Variants in TPST1 observed in about 807,000 individuals in gnomAD.
TPST1 encodes protein-tyrosine sulfotransferase 1.
A neutral mutation model predicts 34.8 loss-of-function variants in TPST1; 20 were observed. That is an observed-to-expected ratio of 0.57 (90% CI 0.40 to 0.84). The LOEUF is 0.84. Among genes scored for constraint, TPST1 ranks in the 40% least tolerant of loss-of-function variants. TPST1 has a pLI of 0.00. For synonymous variants in TPST1, 152 were observed against 159.4 expected (o/e 0.95, Z 0.35); for missense variants, 353 against 455.5 (o/e 0.78, Z 2.05).
chr7:66,320,785 A>G (rs1791740428), intron 3 of TPST1, among the ~76,000 whole-genome samples: 2 of 150,412 alleles, frequency 1.3e-5, no homozygotes, highest in African/African-American at 4.9e-5. Context: ...TTTAGTAGAG[A>G]TGGGGCTTCA....
intron 3 of TPST1, among the ~76,000 whole-genome samples, chr7:66,302,660 A>G (rs1374822977): frequency 1.3e-5 from 2 of 152,216 alleles, no homozygotes; most frequent in Admixed American, 6.5e-5. Context: ...GATTCAAGGT[A>G]GCTAGAAACA....
At chr7:66,248,585 C>T (rs904981495) in intron 2 of TPST1, among the ~76,000 whole-genome samples, 1 of 144,396 alleles carries the variant, frequency 6.9e-6, no homozygotes, top group African/African-American at 2.6e-5. Context: ...CTCACTGCAA[C>T]CTCTGCCTCA....
At chr7:66,281,213 T>G (rs1261328218) in intron 2 of TPST1, among the ~76,000 whole-genome samples, 1 of 152,158 alleles carries the variant, frequency 6.6e-6, no homozygotes, top group African/African-American at 2.4e-5. Context: ...TTGATGTGCT[T>G]CTAGTCTCTG....
chr7:66,357,899 C>T (rs915343523), intron 5 of TPST1, among the ~76,000 whole-genome samples: 2 of 152,140 alleles, frequency 1.3e-5, no homozygotes, highest in African/African-American at 4.8e-5. Context: ...GCCTGGCCAA[C>T]ATAGTGAAAC....
At chr7:66,342,453 G>A (rs530458484) in intron 3 of TPST1, among the ~76,000 whole-genome samples, 30 of 152,258 alleles carry the variant, frequency 2.0e-4, no homozygotes, top group African/African-American at 7.2e-4. Flanking sequence ...GTTTAATCAA[G>A]CCTAATTGAC....
intron 4 of TPST1, among the ~76,000 whole-genome samples, chr7:66,353,777 A>G (rs1792528143): frequency 6.6e-6 from 1 of 152,190 alleles, no homozygotes; most frequent in Admixed American, 6.5e-5. Context: ...TTTTGAACTC[A>G]GTTTCTGAAA....
At chr7:66,199,863 G>C in the TPST1 span, among the ~76,000 whole-genome samples, 4 of 151,880 alleles carry the variant, frequency 2.6e-5, no homozygotes, top group Admixed American at 1.3e-4. Flanking sequence ...ACCGCCGCGC[G>C]GCACCATGCC....
At chr7:66,357,995 A>T (rs956153728) in intron 5 of TPST1, among the ~76,000 whole-genome samples, 11 of 152,180 alleles carry the variant, frequency 7.2e-5, no homozygotes, top group African/African-American at 2.7e-4. Flanking sequence ...GAGGCAGGAG[A>T]ATCACTTGAA....
intron 3 of TPST1, among the ~76,000 whole-genome samples, chr7:66,330,336 A>G (rs1319453086): frequency 6.6e-6 from 1 of 152,292 alleles, no homozygotes; most frequent in East Asian, 1.9e-4. Context: ...AGTGTAGGAA[A>G]TGTGAGCTTG....
In TPST1 at chr7:66,229,954, C is replaced by T. The variant is rs927093535; in HGVS notation, c.-101-10371C>T. On this transcript the variant is annotated intron_variant, in intron 1 of 5. Coordinates refer to ENST00000304842, the MANE Select transcript of TPST1 (RefSeq NM_003596.4). ...CATTACTAGTCACTTCTTGGGAGGC[C>T]GAGGCGGGCGGATCATGAGGTCAAG... Among the ~76,000 whole-genome samples the T allele has an allele frequency of 8.7e-4, 132 of 151,976 alleles. 2 individuals carry two copies. Among genetic ancestry groups the T allele is most frequent in the Non-Finnish European group, 2.5e-4 (17 of 67,990 alleles).
At chr7:66,245,059 A>C (rs1275858650) in intron 2 of TPST1, among the ~76,000 whole-genome samples, 1 of 152,230 alleles carries the variant, frequency 6.6e-6, no homozygotes, top group East Asian at 1.9e-4. Flanking sequence ...TAATGTAAAA[A>C]GGTTTTTGGA....
intron 1 of TPST1, among the ~76,000 whole-genome samples, chr7:66,216,793 A>C (rs1471603446): frequency 6.6e-6 from 1 of 152,168 alleles, no homozygotes; most frequent in East Asian, 1.9e-4. Context: ...CTAGTTTCTT[A>C]AGGGAGAAAG....
At chr7:66,201,418 C>T (rs1265222632), upstream of TPST1, among the ~76,000 whole-genome samples, 2 of 149,964 alleles carry the variant, frequency 1.3e-5, no homozygotes, top group Non-Finnish European at 3.0e-5. Flanking sequence ...AGGCTGGGCA[C>T]GGTGGCTTAC....
chr7:66,308,595 G>A (rs1382328036), intron 3 of TPST1, among the ~76,000 whole-genome samples: 1 of 152,132 alleles, frequency 6.6e-6, no homozygotes, highest in Non-Finnish European at 1.5e-5. Flanking sequence ...ATAGCCATGT[G>A]CCCATTGTTT....
At chr7:66,303,802 T>C (rs900337035) in intron 3 of TPST1, among the ~76,000 whole-genome samples, 6 of 152,226 alleles carry the variant, frequency 3.9e-5, no homozygotes, top group Admixed American at 6.5e-5. Flanking sequence ...CCAGTAATAC[T>C]TGACAATTAC....
intron 3 of TPST1, among the ~76,000 whole-genome samples, chr7:66,319,519 AAGAAGATAGATATCTCTAAATGTTGT>A (rs1470261857): frequency 6.6e-6 from 1 of 152,212 alleles, no homozygotes; most frequent in African/African-American, 2.4e-5. Flanking sequence ...TGTTTTCTTC[AAGAAGATAGATATCTCTAAATGTTGT>A]CATATCCTTT....
intron 3 of TPST1, among the ~76,000 whole-genome samples, chr7:66,287,564 A>G (rs200979294): frequency 1.3e-5 from 1 of 78,016 alleles, no homozygotes; most frequent in Non-Finnish European, 2.5e-5. Flanking sequence ...GTGTGAGATG[A>G]TATCTCATAG....
Position 66,240,473 on chromosome 7 carries a change from T to C in TPST1, c.48T>C (p.Ile16=). The stretch of plus-strand genomic sequence containing the variant: ...ACTTACTATTGGCATGTCTGGTGAT[T>C]AGTTCTGTGACTGTGTTTTACCTGG... ...KQNLLLACLV[I]SSVTVFYLGQ... The change falls in exon 2 of 6, where the codon ATT becomes ATC. Residue 16 remains isoleucine (I), a synonymous_variant. Coordinates refer to ENST00000304842, the MANE Select transcript of TPST1 (RefSeq NM_003596.4). The C allele has an allele frequency of 6.2e-7, 1 of 1,614,188 alleles. No homozygotes were observed. Among genetic ancestry groups the C allele is most frequent in the Non-Finnish European group, 8.5e-7 (1 of 1,180,036 alleles).
chr7:66,355,026 C>G (rs757737461), intron 4 of TPST1, among the ~76,000 whole-genome samples: 4 of 151,910 alleles, frequency 2.6e-5, no homozygotes, highest in Admixed American at 6.6e-5. Context: ...ATCTTTATGA[C>G]CATAAGAGGA....
Sources: gnomAD v4.1 joint callset for allele counts (sites outside exome capture counted in the v4.1 genomes callset) on GRCh38, gnomAD v4.1.1 for gene constraint, MANE v1.5 for transcripts, NCBI Gene and HGNC (gene_info 2026-07-23, HGNC 2026-07-21) for gene names.